Variants in SRC observed in about 807,000 individuals in gnomAD.
SRC encodes proto-oncogene tyrosine-protein kinase Src.
A neutral mutation model predicts 62.9 loss-of-function variants in SRC; 13 were observed. That is an observed-to-expected ratio of 0.21 (90% CI 0.13 to 0.33). SRC has a LOEUF of 0.33. SRC is among the 10% of genes least tolerant of loss of function. SRC has a pLI of 1.00. For synonymous variants in SRC, 302 were observed against 317.5 expected (o/e 0.95, Z 0.52); for missense variants, 457 against 737.3 (o/e 0.62, Z 4.40).
intron 5 of SRC, chr20:37,393,665 A>T: frequency 1.8e-6 from 1 of 549,638 alleles, no homozygotes. Flanking sequence ...CTGGTCCAAG[A>T]CAAAGTCCAT....
intron 4 of SRC, among the ~76,000 whole-genome samples, chr20:37,385,566 G>A (rs1039180543): frequency 3.3e-5 from 5 of 152,052 alleles, no homozygotes; most frequent in Non-Finnish European, 7.4e-5. Flanking sequence ...AAGGGGGTAC[G>A]GGGGCCTTTC....
rs3762203 is a variant in SRC at position 37,382,626 on chromosome 20, C to T, written c.-165C>T. 0.064 allele frequency: 9,801 copies of T among 152,310 alleles called. 786 individuals carry two copies. The highest frequency in any genetic ancestry group is 0.18 in the East Asian group (939 of 5,184). The allele number at this position is 152,310 out of a possible 1,614,324, so 9.4% of individuals were successfully genotyped here. A position where few individuals can be genotyped will look rare whatever the true frequency, so the allele number is the denominator to read the frequency against. ...TTTATCCCTGCTTTGCAGATGAGGA[C>T]GCTGAGGCCCAGAGAGGGAAAGCCA... is the stretch of plus-strand genomic sequence containing the variant. On this transcript the variant is annotated 5_prime_UTR_variant, in exon 3 of 14. The change creates a new upstream start codon in the 5' untranslated region. Transcript: ENST00000373578.
chr20:37,361,712 A>C (rs560906003), intron 1 of SRC, among the ~76,000 whole-genome samples: 1 of 152,202 alleles, frequency 6.6e-6, no homozygotes, highest in South Asian at 2.1e-4. Flanking sequence ...GAGAGAGCAA[A>C]ACTTGCCACC....
rs188213513 is a variant in SRC, at chr20:37,355,932, T to A, written c.-246-9272T>A. Among the ~76,000 whole-genome samples the A allele has an allele frequency of 1.5e-3, 230 of 152,290 alleles. 1 individual carries two copies. Among genetic ancestry groups the A allele is most frequent in the African/African-American group, 5.2e-3 (215 of 41,548 alleles). ...AGAGCCTCAAACCCTCACAGGGCAC[T>A]CAGGCTTGGGCCTGGGGGTGATGAG... is the stretch of plus-strand genomic sequence containing the variant. On this transcript the variant is annotated intron_variant, in intron 1 of 13. Transcript: ENST00000373578.
chr20:37,392,105 C>T, intron 5 of SRC, among the ~76,000 whole-genome samples: 1 of 151,976 alleles, frequency 6.6e-6, no homozygotes, highest in East Asian at 1.9e-4. Context: ...GGTCTTGCCT[C>T]CTTACTCCCG....
rs1357209160 is a variant in SRC at position 37,403,389 on chromosome 20, G to T, written c.*10G>T. 3 of 1,568,398 alleles carry T rather than the reference G, an allele frequency of 1.9e-6. No individual in the cohort carries two copies. In the East Asian group the frequency reaches 6.9e-5, roughly 36 times the overall value. ...CGGGGAGAACCTCTAGGCACAGGCG[G>T]GCCCAGACCGGCTTCTCGGCTTGGA... On this transcript the variant is annotated 3_prime_UTR_variant, in exon 14 of 14. Coordinates refer to ENST00000373578, the MANE Select transcript of SRC (RefSeq NM_198291.3). The surrounding 1 kb of genome is among the most constrained non-coding windows in gnomAD (Gnocchi z 7.1).
At chr20:37,359,598 C>T (rs2069934870) in intron 1 of SRC, among the ~76,000 whole-genome samples, 1 of 152,186 alleles carries the variant, frequency 6.6e-6, no homozygotes, top group East Asian at 1.9e-4. Context: ...CAGGGGAGAG[C>T]CTGGAGTGCT....
intron 1 of SRC, among the ~76,000 whole-genome samples, chr20:37,364,056 G>A (rs995357727): frequency 4.6e-5 from 7 of 151,910 alleles, no homozygotes; most frequent in South Asian, 2.1e-4. Flanking sequence ...TCCCTGCCCC[G>A]CCTCCCACCT....
chr20:37,397,418 G>A lies in SRC; in HGVS notation c.704-281G>A, dbSNP rs898430730. Among the ~76,000 whole-genome samples the A allele has an allele frequency of 6.6e-6, 1 of 152,172 alleles. No homozygotes were observed. Among genetic ancestry groups the A allele is most frequent in the South Asian group, 2.1e-4 (1 of 4,828 alleles). On this transcript the variant is annotated intron_variant, in intron 8 of 13. Coordinates refer to ENST00000373578, the MANE Select transcript of SRC (RefSeq NM_198291.3). This position sits in a 1 kb window ranked among gnomAD's most constrained non-coding sequence, Gnocchi z 4.1. ...CCTCCCTGGACTCTGAGTTCCTGAG[G>A]GCAGGTTCCCTGGACATGTTCCCTC...
rs975419778 is a variant in SRC at position 37,346,399 on chromosome 20, C to G, written c.-247+144C>G. On this transcript the variant is annotated intron_variant, in intron 1 of 13. Transcript: ENST00000373578. ...TTCCCACCCCCCCTCCGGGCCAAGCCGCGATACCCAAGCGCCGGGCGGGCG... is the reference window on the plus strand; with the variant it reads ...TTCCCACCCCCCCTCCGGGCCAAGCGGCGATACCCAAGCGCCGGGCGGGCG... 3 of 151,194 alleles carry G rather than the reference C, an allele frequency of 2.0e-5. No individual in the cohort carries two copies. The East Asian group carries it at 5.9e-4, about 30-fold the overall frequency. 9.4% of individuals were successfully genotyped at this position (151,194 alleles called of 1,614,324 possible).
In SRC at chr20:37,404,900, G is replaced by A; in HGVS notation, c.*1521G>A. 1 of 233,862 alleles carries A rather than the reference G, an allele frequency of 4.3e-6. No homozygotes were observed. The highest frequency in any genetic ancestry group is 6.0e-5 in the East Asian group (1 of 16,592). 14.5% of individuals were successfully genotyped at this position (233,862 alleles called of 1,614,324 possible). ...TGTGTGTGTGTATGTGTGTGCATGT[G>A]TGCGTGTCTCCATGTGCGTCCATAT... On this transcript the variant is annotated 3_prime_UTR_variant, in exon 14 of 14. Transcript: ENST00000373578.
In SRC at chr20:37,403,668, G is replaced by A; in HGVS notation, c.*289G>A. ...GGAGCTCTGTGGGTCTCTGGAAGAGGAACCAGGAGAAGGGCTGGGGCCGGG... is the reference window on the plus strand; with the variant it reads ...GGAGCTCTGTGGGTCTCTGGAAGAGAAACCAGGAGAAGGGCTGGGGCCGGG... On this transcript the variant is annotated 3_prime_UTR_variant, in exon 14 of 14. Coordinates refer to ENST00000373578, the MANE Select transcript of SRC (RefSeq NM_198291.3). This position sits in a 1 kb window ranked among gnomAD's most constrained non-coding sequence, Gnocchi z 7.1. 2.1e-6 allele frequency: 1 copy of A among 469,554 alleles called. No individual in the cohort carries two copies. Among genetic ancestry groups the A allele is most frequent in the South Asian group, 3.2e-5 (1 of 30,980 alleles). The allele number at this position is 469,554 out of a possible 1,614,324, so 29.1% of individuals were successfully genotyped here.
At chr20:37,374,700 G>C (rs758750601) in intron 2 of SRC, among the ~76,000 whole-genome samples, 65 of 150,304 alleles carry the variant, frequency 4.3e-4, no homozygotes, top group Admixed American at 3.4e-3. Flanking sequence ...TCAGCCTCCA[G>C]AGCAGCTTGG....
chr20:37,359,700 G>C (rs756289266), intron 1 of SRC, among the ~76,000 whole-genome samples: 2 of 152,162 alleles, frequency 1.3e-5, no homozygotes, highest in African/African-American at 2.4e-5. Flanking sequence ...GAGGGCACCT[G>C]AGCCATCTAA....
At chr20:37,367,924 A>C (rs770696864) in intron 2 of SRC, among the ~76,000 whole-genome samples, 21 of 152,186 alleles carry the variant, frequency 1.4e-4, no homozygotes, top group Non-Finnish European at 2.6e-4. Context: ...GATTACATGC[A>C]TGAGCCACTG....
chr20:37,372,690 T>C (rs1056552645), intron 2 of SRC, among the ~76,000 whole-genome samples: 1 of 152,216 alleles, frequency 6.6e-6, no homozygotes, highest in Non-Finnish European at 1.5e-5. Context: ...TTTGCATTTA[T>C]CTTATGAGTG....
At chr20:37,385,443 A>AT (rs1448041470) in intron 4 of SRC, among the ~76,000 whole-genome samples, 1 of 152,196 alleles carries the variant, frequency 6.6e-6, no homozygotes, top group Non-Finnish European at 1.5e-5. Flanking sequence ...GGAAGGAAGC[A>AT]AAGGGCAGCT....
intron 7 of SRC, among the ~76,000 whole-genome samples, chr20:37,395,252 C>A (rs1043981714): frequency 6.6e-6 from 1 of 152,228 alleles, no homozygotes; most frequent in Non-Finnish European, 1.5e-5. Flanking sequence ...GACCTCATTT[C>A]TTCTGTACGC....
At chr20:37,386,744 G>A (rs73906204) in intron 5 of SRC, among the ~76,000 whole-genome samples, 10,787 of 152,188 alleles carry the variant, frequency 0.071, 455 homozygotes, top group Non-Finnish European at 0.09. Flanking sequence ...ATTCTGCCCC[G>A]TCAGCCCACC....
Sources: gnomAD v4.1 joint callset for allele counts (sites outside exome capture counted in the v4.1 genomes callset) on GRCh38, gnomAD v4.1.1 for gene constraint, Gnocchi (gnomAD v3.1) non-coding constraint, MANE v1.5 for transcripts, NCBI Gene and HGNC (gene_info 2026-07-23, HGNC 2026-07-21) for gene names.